PRDM1: variants seen among roughly 807,000 people sequenced by gnomAD.
PRDM1 encodes PR/SET domain 1.
A neutral mutation model predicts 62.8 loss-of-function variants in PRDM1; 13 were observed. The observed-to-expected ratio is 0.21, with a 90% confidence interval of 0.13 to 0.33. PRDM1 has a LOEUF of 0.33. Among genes scored for constraint, PRDM1 ranks in the 10% least tolerant of loss-of-function variants. PRDM1 has a pLI of 1.00. For synonymous variants in PRDM1, 396 were observed against 417.6 expected, an observed-to-expected ratio of 0.95 and a Z score of 0.63; for missense variants, 895 against 1,058.8, an observed-to-expected ratio of 0.85 and a Z score of 2.15.
chr6:106,103,675 T>G (rs1774342788), intron 4 of PRDM1, among the ~76,000 whole-genome samples: 1 of 152,234 alleles, frequency 6.6e-6, no homozygotes, highest in Non-Finnish European at 1.5e-5. Context: ...GAGACAGGGC[T>G]GGCTGTGGCA....
chr6:106,032,419 T>C (rs1772857298), intron 1 of PRDM1, among the ~76,000 whole-genome samples: 3 of 151,278 alleles, frequency 2.0e-5, no homozygotes, highest in Admixed American at 2.0e-4. Context: ...CCCTTCTCAG[T>C]CTCCCAAAGT....
At chr6:106,102,418 C>CAT (rs1160573908) in intron 4 of PRDM1, among the ~76,000 whole-genome samples, 1 of 152,204 alleles carries the variant, frequency 6.6e-6, no homozygotes, top group African/African-American at 2.4e-5. Context: ...GGGAGGCTAA[C>CAT]ATGTCACTCT....
intron 1 of PRDM1, among the ~76,000 whole-genome samples, chr6:106,049,393 C>T (rs1001734361): frequency 1.3e-5 from 2 of 152,180 alleles, no homozygotes; most frequent in Non-Finnish European, 2.9e-5. Flanking sequence ...TCCATGCATC[C>T]CTTTAGTAAA....
chr6:106,091,653 G>A (rs770126563), intron 2 of PRDM1, among the ~76,000 whole-genome samples: 11 of 152,118 alleles, frequency 7.2e-5, no homozygotes, highest in Non-Finnish European at 1.5e-4. Context: ...GGTGGTGGGC[G>A]CCTGTAATCC....
intron 1 of PRDM1, among the ~76,000 whole-genome samples, chr6:106,058,806 G>A (rs996537371): frequency 3.3e-5 from 5 of 152,126 alleles, no homozygotes; most frequent in African/African-American, 7.2e-5. Context: ...CCGACCTCAG[G>A]TGATCCGCCT....
chr6:106,001,441 T>A (rs767380980), intron 1 of PRDM1, among the ~76,000 whole-genome samples: 1 of 152,216 alleles, frequency 6.6e-6, no homozygotes, highest in African/African-American at 2.4e-5. Flanking sequence ...CTAAAAGTTA[T>A]AGATATAGTT....
chr6:106,021,750 A>C (rs1377485926), intron 1 of PRDM1, among the ~76,000 whole-genome samples: 1 of 152,122 alleles, frequency 6.6e-6, no homozygotes, highest in Non-Finnish European at 1.5e-5. Flanking sequence ...CCTCCCAAGT[A>C]GCTGGGATTA....
At chr6:106,090,215 T>C (rs975595397) in intron 2 of PRDM1, among the ~76,000 whole-genome samples, 1 of 152,218 alleles carries the variant, frequency 6.6e-6, no homozygotes, top group Non-Finnish European at 1.5e-5. Context: ...AGTTATCATC[T>C]TAATATATTT....
intron 1 of PRDM1, among the ~76,000 whole-genome samples, chr6:106,018,563 T>G (rs1031666430): frequency 3.9e-5 from 6 of 152,220 alleles, no homozygotes; most frequent in African/African-American, 1.4e-4. Flanking sequence ...TCTTGACAGT[T>G]TCTCTGAATT....
intron 1 of PRDM1, among the ~76,000 whole-genome samples, chr6:106,037,017 G>A (rs978167812): frequency 9.2e-5 from 14 of 152,136 alleles, no homozygotes; most frequent in African/African-American, 1.2e-4. Flanking sequence ...ACTGTCTAGT[G>A]TTCTTTTATT....
chr6:106,106,540 A>G lies in PRDM1; in HGVS notation c.1902+41A>G. On this transcript the variant is annotated intron_variant, in intron 6 of 6. Coordinates refer to ENST00000369096, the MANE Select transcript of PRDM1 (RefSeq NM_001198.4). The surrounding 1 kb of genome is among the most constrained non-coding windows in gnomAD (Gnocchi z 4.4). Reference sequence around the variant, plus strand: ...TGGGTAGACCTTCTGACCTTTGTAGAAAATGTCTGTGAGTCACCCTCCCAT... The same window carrying G: ...TGGGTAGACCTTCTGACCTTTGTAGGAAATGTCTGTGAGTCACCCTCCCAT... The G allele has an allele frequency of 3.7e-6, 6 of 1,612,088 alleles. No individual in the cohort carries two copies. Among genetic ancestry groups the G allele is most frequent in the Non-Finnish European group, 4.2e-6 (5 of 1,179,246 alleles).
At position 106,059,130 on chromosome 6, in the gene PRDM1, A is replaced by ATT. The variant is rs1343181066; in HGVS notation, c.-67+10416_-67+10417insTT. Among the ~76,000 whole-genome samples, 8 of 152,278 alleles carry ATT rather than the reference A, an allele frequency of 5.3e-5. No homozygotes were observed. The East Asian group carries it at 1.5e-3, about 29-fold the overall frequency. ...ACCCCTGTTATTCTGTAACCCCAAT[A>ATT]GGGGTTACATTCTAGAGGGAGAGAC... On this transcript the variant is annotated intron_variant, in intron 1 of 6. Coordinates refer to the PRDM1 transcript ENST00000651185.
intron 1 of PRDM1, among the ~76,000 whole-genome samples, chr6:106,077,279 C>T (rs1773618951): frequency 6.6e-6 from 1 of 152,180 alleles, no homozygotes; most frequent in Non-Finnish European, 1.5e-5. Flanking sequence ...ATCGATCACA[C>T]CACCAGGCAC....
chr6:106,107,241 G>T lies in PRDM1; in HGVS notation c.2233G>T (p.Val745Leu). Residue 745 changes from valine (V) to leucine (L), a missense_variant, in exon 7 of 7, where the codon GTG (valine) becomes TTG (leucine). Around this residue, in one of 4 missense-constraint regions of PRDM1, gnomAD observed 164 missense variants for 179.9 expected, o/e 0.91. Coordinates refer to ENST00000369096, the MANE Select transcript of PRDM1 (RefSeq NM_001198.4). Reference protein sequence around the residue: ...ISDNADRLEDVEDDISVISVV... With the variant: ...ISDNADRLEDLEDDISVISVV... ...TGACAATGCTGACCGGCTCGAGGAC[G>T]TGGAGGATGACATCAGTGTGATCTC... 6.2e-7 allele frequency: 1 copy of T among 1,614,216 alleles called. No homozygotes were observed. The highest frequency in any genetic ancestry group is 8.5e-7 in the Non-Finnish European group (1 of 1,180,046).
chr6:106,023,896 C>A (rs539945973), intron 1 of PRDM1, among the ~76,000 whole-genome samples: 3 of 152,296 alleles, frequency 2.0e-5, no homozygotes, highest in South Asian at 2.1e-4. Context: ...AATCTCAGCA[C>A]TTTGGGAGGC....
At chr6:106,062,258 T>G (rs1773356206) in intron 1 of PRDM1, among the ~76,000 whole-genome samples, 2 of 152,222 alleles carry the variant, frequency 1.3e-5, no homozygotes, top group African/African-American at 4.8e-5. Flanking sequence ...TCATGTGCAG[T>G]ATTTCTTTTT....
chr6:106,067,540 T>C (rs1773452428), intron 1 of PRDM1, among the ~76,000 whole-genome samples: 1 of 152,046 alleles, frequency 6.6e-6, no homozygotes, highest in African/African-American at 2.4e-5. Context: ...ATATAAGACA[T>C]AAAAAGGACT....
chr6:106,098,829 C>T (rs764159982), intron 3 of PRDM1: 823 of 1,525,502 alleles, frequency 5.4e-4, no homozygotes, highest in Admixed American at 9.8e-4. Context: ...TAGGAAACGG[C>T]GAGTACAGAG....
Position 106,107,018 on chromosome 6 carries a change from G to C in PRDM1, c.2010G>C (p.Gln670His), listed in dbSNP as rs1431367442. ...QCKVCPAKFT[Q>H]FVHLKLHKRL... ...AGGTGTGCCCTGCCAAGTTCACCCA[G>C]TTTGTGCACCTGAAACTGCACAAGC... is the stretch of plus-strand genomic sequence containing the variant. Residue 670 changes from glutamine (Q) to histidine (H), a missense_variant, in exon 7 of 7, where the codon CAG becomes CAC. By Grantham distance (24) the Gln-to-His change is conservative. Around this residue, in one of 4 missense-constraint regions of PRDM1, gnomAD observed 74 missense variants for 172.4 expected, o/e 0.43. Transcript: ENST00000369096. 1 of 1,614,060 alleles carries C rather than the reference G, an allele frequency of 6.2e-7. No individual in the cohort carries two copies. The highest frequency in any genetic ancestry group is 1.3e-5 in the African/African-American group (1 of 74,928).
Sources: allele counts gnomAD v4.1 joint callset (sites outside exome capture counted in the v4.1 genomes callset), GRCh38; gene constraint gnomAD v4.1.1; regional missense constraint gnomAD v4.1.1; non-coding constraint Gnocchi (gnomAD v3.1); transcripts MANE v1.5; gene names NCBI Gene and HGNC (gene_info 2026-07-23, HGNC 2026-07-21).